Variants in MAPK6 observed in about 807,000 individuals in gnomAD.
The protein encoded by MAPK6 is mitogen-activated protein kinase 6, also known as ERK-3.
MAPK6 carries 19 observed loss-of-function variants against 59.3 expected under a neutral mutation model. That is an observed-to-expected ratio of 0.32 (90% CI 0.22 to 0.47). The LOEUF (loss-of-function observed/expected upper bound fraction) is 0.47, where lower values mean the gene tolerates loss of function less well. Among genes scored for constraint, MAPK6 ranks in the 20% least tolerant of loss-of-function variants. The pLI, the probability that MAPK6 is intolerant of heterozygous loss-of-function variation, is 1.00. For synonymous variants in MAPK6, 316 were observed against 290.3 expected, an observed-to-expected ratio of 1.09 and a Z score of -0.90; for missense variants, 724 against 847.9, an observed-to-expected ratio of 0.85 and a Z score of 1.81.
At chr15:51,979,439 A>G (rs1417422114) in intron 1 of MAPK6, among the ~76,000 whole-genome samples, 1 of 151,844 alleles carries the variant, frequency 6.6e-6, no homozygotes, top group African/African-American at 2.4e-5. Context: ...TATTTCCAAG[A>G]TACATGGTAA....
At chr15:52,034,406 G>A (rs977238671) in intron 1 of MAPK6, among the ~76,000 whole-genome samples, 15 of 151,626 alleles carry the variant, frequency 9.9e-5, no homozygotes, top group Non-Finnish European at 2.1e-4. Context: ...TCTGCCTCCC[G>A]GGTTCAAGCA....
intron 3 of MAPK6, among the ~76,000 whole-genome samples, chr15:52,008,479 C>T (rs539712687): frequency 1.8e-4 from 28 of 152,286 alleles, no homozygotes; most frequent in African/African-American, 6.3e-4. Flanking sequence ...TGATGCACCG[C>T]GGGCTCACCA....
At chr15:52,011,790 G>A (rs1463425171) in intron 3 of MAPK6, among the ~76,000 whole-genome samples, 1 of 152,242 alleles carries the variant, frequency 6.6e-6, no homozygotes, top group African/African-American at 2.4e-5. Context: ...AATTTCTTCA[G>A]TGGAAGGCTG....
chr15:52,042,338 CTTGTT>C (rs1236823821), intron 1 of MAPK6, among the ~76,000 whole-genome samples: 2 of 152,226 alleles, frequency 1.3e-5, no homozygotes, highest in East Asian at 3.8e-4. Context: ...ACTACCTTCT[CTTGTT>C]ACAATGTATA....
chr15:52,030,684 C>A (rs774711094), intron 1 of MAPK6, among the ~76,000 whole-genome samples: 2 of 121,914 alleles, frequency 1.6e-5, no homozygotes, highest in African/African-American at 3.2e-5. Context: ...AGGAGTACAG[C>A]GGTGCAATCT....
chr15:52,043,233 C>G (rs900608826), intron 1 of MAPK6, among the ~76,000 whole-genome samples: 1 of 152,122 alleles, frequency 6.6e-6, no homozygotes, highest in Admixed American at 6.5e-5. Flanking sequence ...GGGAGACATG[C>G]AGTATTAAAG....
At chr15:51,991,148 TACACACACAC>T (rs933912695) in intron 2 of MAPK6, among the ~76,000 whole-genome samples, 44 of 140,632 alleles carry the variant, frequency 3.1e-4, no homozygotes, top group Admixed American at 5.1e-4. Flanking sequence ...TATATATATA[TACACACACAC>T]ACACACACAC....
At chr15:52,014,328 A>T (rs2030172436), upstream of MAPK6, among the ~76,000 whole-genome samples, 1 of 152,194 alleles carries the variant, frequency 6.6e-6, no homozygotes, top group African/African-American at 2.4e-5. Flanking sequence ...AATAAATATA[A>T]ATACATTTTA....
At chr15:52,016,068 G>GCGCGCGCA (rs2030245584), upstream of MAPK6, among the ~76,000 whole-genome samples, 2 of 35,610 alleles carry the variant, frequency 5.6e-5, no homozygotes, top group Non-Finnish European at 1.3e-4. Context: ...GCGCGCGCGC[G>GCGCGCGCA]CGCACACACA....
At chr15:52,062,431 T>C (rs1332257761) in intron 5 of MAPK6, among the ~76,000 whole-genome samples, 1 of 152,232 alleles carries the variant, frequency 6.6e-6, no homozygotes, top group African/African-American at 2.4e-5. Context: ...TATAATGTTA[T>C]CCATATTTTG....
chr15:52,005,630 G>C (rs763874077), intron 3 of MAPK6, among the ~76,000 whole-genome samples: 19 of 152,170 alleles, frequency 1.2e-4, no homozygotes, highest in Non-Finnish European at 2.2e-4. Flanking sequence ...CTTATTTAGA[G>C]TAGGTTAGCA....
At chr15:52,011,266 A>C (rs1487243319) in intron 3 of MAPK6, 1 of 152,002 alleles carries the variant, frequency 6.6e-6, no homozygotes, top group African/African-American at 2.4e-5. Flanking sequence ...CTCTATGTTG[A>C]CCAGGCTGGA....
chr15:51,992,114 G>A (rs375416079), intron 2 of MAPK6, among the ~76,000 whole-genome samples: 26 of 151,394 alleles, frequency 1.7e-4, no homozygotes, highest in East Asian at 1.4e-3. Flanking sequence ...ACACCACCAC[G>A]CTTGGCTCGT....
chr15:52,036,033 T>G (rs191093301), intron 1 of MAPK6, among the ~76,000 whole-genome samples: 1 of 152,262 alleles, frequency 6.6e-6, no homozygotes, highest in East Asian at 1.9e-4. Context: ...CTGAGCCTTT[T>G]GTTAGAATTA....
intron 4 of MAPK6, 127 bp from the exon 5 acceptor site, chr15:52,061,172 C>T (rs2032182390): frequency 1.5e-6 from 1 of 677,090 alleles, no homozygotes; most frequent in African/African-American, 1.8e-5. Context: ...TGCTCATTTC[C>T]TGTTGTGTAG....
At chr15:52,041,135 A>G (rs1379710774) in intron 1 of MAPK6, among the ~76,000 whole-genome samples, 4 of 151,920 alleles carry the variant, frequency 2.6e-5, no homozygotes, top group East Asian at 3.9e-4. Context: ...TAGAACGTGT[A>G]AAAAGAATAT....
rs1338006165 is a variant in MAPK6 at position 52,065,973 on chromosome 15, T to TG, written c.*973_*974insG. 2 of 152,610 alleles carry TG rather than the reference T, an allele frequency of 1.3e-5. No homozygotes were observed. The highest frequency in any genetic ancestry group is 2.9e-5 in the Non-Finnish European group (2 of 68,020). The allele number at this position is 152,610 out of a possible 1,614,324, so 9.5% of individuals were successfully genotyped here. On this transcript the variant is annotated 3_prime_UTR_variant, in exon 6 of 6. Coordinates refer to ENST00000261845, the MANE Select transcript of MAPK6 (RefSeq NM_002748.4). ...TGCTCCTAGAAGTCTTAATTGTGTTTATTTTTTAAAAAAACAAATGTTAGA... is the reference window on the plus strand; with the variant it reads ...TGCTCCTAGAAGTCTTAATTGTGTTTGATTTTTTAAAAAAACAAATGTTAGA...
intron 1 of MAPK6, among the ~76,000 whole-genome samples, chr15:52,036,829 C>T (rs943407644): frequency 6.6e-6 from 1 of 151,790 alleles, no homozygotes; most frequent in Non-Finnish European, 1.5e-5. Flanking sequence ...CTCCTCTCCC[C>T]TCCCCTCCCC....
At position 52,035,400 on chromosome 15, in the gene MAPK6, C is replaced by T. The variant is rs1240974604; in HGVS notation, c.-631-10430C>T. ...CTGTAATCCCACCGCTTTGGGAGGC[C>T]GAGGCGGGTGGATCTCGTGAGGTCA... On this transcript the variant is annotated intron_variant, in intron 1 of 5. Coordinates refer to ENST00000261845, the MANE Select transcript of MAPK6 (RefSeq NM_002748.4). Among the ~76,000 whole-genome samples the T allele has an allele frequency of 4.6e-5, 7 of 152,196 alleles. No homozygotes were observed. In the East Asian group the frequency reaches 9.7e-4, roughly 21 times the overall value.
Sources: allele counts gnomAD v4.1 joint callset (sites outside exome capture counted in the v4.1 genomes callset), GRCh38; gene constraint gnomAD v4.1.1; transcripts MANE v1.5; gene names NCBI Gene and HGNC (gene_info 2026-07-23, HGNC 2026-07-21).